The following EZH2 variants were observed in gnomAD, a reference collection of about 807,000 sequenced individuals.
EZH2 encodes enhancer of zeste 2 polycomb repressive complex 2 subunit.
A neutral mutation model predicts 98.4 loss-of-function variants in EZH2; 18 were observed. The ratio of observed to expected loss-of-function variants is 0.18; its 90% CI spans 0.13 to 0.27. EZH2 has a LOEUF of 0.27. Among genes scored for constraint, EZH2 ranks in the 10% least tolerant of loss-of-function variants. The pLI is 1.00. For missense variants in EZH2, 470 were observed against 935.1 expected, an observed-to-expected ratio of 0.50 and a Z score of 6.49; for synonymous variants, 338 against 312.3, an observed-to-expected ratio of 1.08 and a Z score of -0.87.
chr7:148,843,948 T>C (rs1000446386), intron 3 of EZH2, among the ~76,000 whole-genome samples: 2 of 152,074 alleles, frequency 1.3e-5, no homozygotes, highest in Non-Finnish European at 2.9e-5. Context: ...TGTCATTGAT[T>C]TGTCATGCTG....
At chr7:148,812,112 A>G (rs1283334777) in intron 15 of EZH2, among the ~76,000 whole-genome samples, 1 of 152,042 alleles carries the variant, frequency 6.6e-6, no homozygotes, top group East Asian at 1.9e-4. Flanking sequence ...CTTCCTCTCC[A>G]TACCTTTCCC....
At chr7:148,871,420 A>G (rs1181081807) in intron 1 of EZH2, among the ~76,000 whole-genome samples, 1 of 150,374 alleles carries the variant, frequency 6.7e-6, no homozygotes, top group African/African-American at 2.4e-5. Flanking sequence ...AAAAAAAAAA[A>G]AAAAAGAAGA....
At chr7:148,826,210 A>G (rs567784597) in intron 8 of EZH2, among the ~76,000 whole-genome samples, 1 of 144,076 alleles carries the variant, frequency 6.9e-6, no homozygotes, top group African/African-American at 2.6e-5. Flanking sequence ...TTACGGGGGA[A>G]AAAAAAAAAA....
At chr7:148,838,155 A>G (rs753832244) in intron 3 of EZH2, among the ~76,000 whole-genome samples, 5 of 150,486 alleles carry the variant, frequency 3.3e-5, no homozygotes, top group Non-Finnish European at 7.4e-5. Flanking sequence ...TGCAGCCTCA[A>G]ACTCCTGGGC....
At chr7:148,821,555 T>A (rs1806091658) in intron 8 of EZH2, among the ~76,000 whole-genome samples, 1 of 152,252 alleles carries the variant, frequency 6.6e-6, no homozygotes, top group Admixed American at 6.5e-5. Flanking sequence ...CTGGGTGCAG[T>A]GGCTCACGCC....
At chr7:148,830,327 G>A (rs959967445) in intron 4 of EZH2, among the ~76,000 whole-genome samples, 1 of 152,126 alleles carries the variant, frequency 6.6e-6, no homozygotes, top group Non-Finnish European at 1.5e-5. Context: ...ACCATGCCCA[G>A]CCATCATCAG....
At chr7:148,857,773 A>T (rs537306673) in intron 1 of EZH2, among the ~76,000 whole-genome samples, 86 of 152,064 alleles carry the variant, frequency 5.7e-4, no homozygotes, top group South Asian at 5.0e-3. Flanking sequence ...AAATAAATAA[A>T]TAATTAAAAA....
intron 3 of EZH2, 68 bp downstream of exon 3, chr7:148,846,402 A>G (rs1256615119): frequency 1.3e-6 from 2 of 1,543,946 alleles, no homozygotes; most frequent in African/African-American, 1.4e-5. Context: ...CCCAATAACC[A>G]AACAAATGTT....
At chr7:148,816,026 AAAGT>A (rs1277474093) in intron 12 of EZH2, among the ~76,000 whole-genome samples, 2 of 151,778 alleles carry the variant, frequency 1.3e-5, no homozygotes, top group African/African-American at 2.4e-5. Context: ...TATTTTTGTT[AAAGT>A]AAGAAAATGT....
At position 148,811,618 on chromosome 7, in the gene EZH2, G is replaced by A. The variant is rs767402955; in HGVS notation, c.1947+7C>T. 1 of 1,610,046 alleles carries A rather than the reference G, an allele frequency of 6.2e-7. No homozygotes were observed. The highest frequency in any genetic ancestry group is 8.5e-7 in the Non-Finnish European group (1 of 1,176,868). ...TGCCACCTGAATACAGGTTATCAGT[G>A]CCTTACCTCTCCACAGTATTCTGAG... On this transcript the variant is annotated splice_region_variant and intron_variant, in intron 16 of 19. Coordinates refer to ENST00000320356, the MANE Select transcript of EZH2 (RefSeq NM_004456.5).
intron 1 of EZH2, among the ~76,000 whole-genome samples, chr7:148,866,569 T>TATACGTATATACATATAG (rs1818525468): frequency 6.9e-6 from 1 of 145,562 alleles, no homozygotes; most frequent in Non-Finnish European, 1.5e-5. Flanking sequence ...TATACATATA[T>TATACGTATATACATATAG]ATACGTATAT....
intron 4 of EZH2, among the ~76,000 whole-genome samples, chr7:148,831,054 C>T (rs1017789814): frequency 2.0e-5 from 3 of 152,020 alleles, no homozygotes; most frequent in Non-Finnish European, 2.9e-5. Context: ...GGCGTAGGCT[C>T]GGCCCAGCAC....
At chr7:148,864,302 C>T (rs1205345491) in intron 1 of EZH2, among the ~76,000 whole-genome samples, 1 of 152,176 alleles carries the variant, frequency 6.6e-6, no homozygotes, top group Non-Finnish European at 1.5e-5. Flanking sequence ...TTTCAACCAA[C>T]TGAAGAACTG....
rs1473228269 is a variant in EZH2 at position 148,815,025 on chromosome 7, G to A, written c.1561C>T (p.His521Tyr). 6.2e-7 allele frequency: 1 copy of A among 1,613,684 alleles called. No individual in the cohort carries two copies. Among genetic ancestry groups the A allele is most frequent in the Non-Finnish European group, 8.5e-7 (1 of 1,179,858 alleles). The change falls in exon 14 of 20, where the codon CAT (histidine) becomes TAT (tyrosine). Residue 521 changes from histidine (H) to tyrosine (Y), a missense_variant. Physicochemically the swap from His to Tyr is moderately conservative, Grantham distance 83. Around this residue, in one of 6 missense-constraint regions of EZH2, gnomAD observed 106 missense variants for 327.2 expected, o/e 0.32. Transcript: ENST00000320356. ...TCACAGGGTTGATAGTTGTAAACAT[G>A]GTTAGAGGAGCCGTCTGAGTAAAGA... ...IQLKKDGSSN[H>Y]VYNYQPCDHP...
intron 1 of EZH2, among the ~76,000 whole-genome samples, chr7:148,878,044 G>A (rs536744793): frequency 5.3e-5 from 8 of 152,264 alleles, no homozygotes; most frequent in African/African-American, 1.9e-4. Flanking sequence ...GGTTTTCGGA[G>A]TGTGTTATTA....
At chr7:148,831,404 G>A (rs1440592104) in intron 4 of EZH2, among the ~76,000 whole-genome samples, 2 of 152,098 alleles carry the variant, frequency 1.3e-5, no homozygotes, top group Non-Finnish European at 2.9e-5. Context: ...GTGACACTTA[G>A]ATATTTTGTC....
In EZH2 at chr7:148,875,364, A is replaced by G. The variant is rs532687976; in HGVS notation, c.-8+8800T>C. ...TGAACAATAAAATATTTGCAACACA[A>G]TCTGACAGATAATGTGACTATGTAC... is the stretch of plus-strand genomic sequence containing the variant. On this transcript the variant is annotated intron_variant, in intron 1 of 19. Transcript: ENST00000320356. Among the ~76,000 whole-genome samples, 631 of 152,356 alleles carry G rather than the reference A, an allele frequency of 4.1e-3. 1 individual carries two copies. Among genetic ancestry groups the G allele is most frequent in the Middle Eastern group, 0.01 (3 of 294 alleles).
chr7:148,826,773 G>A (rs1268390532), intron 7 of EZH2, 141 bp from the exon 8 acceptor site: 1 of 554,436 alleles, frequency 1.8e-6, no homozygotes, highest in Non-Finnish European at 2.8e-6. Flanking sequence ...TAGATAAAGA[G>A]CCAACTAAAT....
chr7:148,826,186 T>C (rs996898093), intron 8 of EZH2, among the ~76,000 whole-genome samples: 54 of 151,934 alleles, frequency 3.6e-4, no homozygotes, highest in African/African-American at 1.3e-3. Context: ...GTAAAACAAC[T>C]GCTTAGTTAG....
Sources: gnomAD v4.1 joint callset for allele counts (sites outside exome capture counted in the v4.1 genomes callset) on GRCh38, gnomAD v4.1.1 for gene constraint, gnomAD v4.1.1 regional missense constraint, MANE v1.5 for transcripts, NCBI Gene and HGNC (gene_info 2026-07-23, HGNC 2026-07-21) for gene names.